The following STRIP2 variants were observed in gnomAD, a reference collection of about 807,000 sequenced individuals.
STRIP2 encodes striatin-interacting protein 2.
Under a neutral mutation model 107.1 loss-of-function variants are expected in STRIP2, and 84 were observed. The ratio of observed to expected loss-of-function variants is 0.78; its 90% CI spans 0.66 to 0.94. The LOEUF is 0.94. STRIP2 is among the 40% of genes least tolerant of loss of function. The pLI is 0.00. For synonymous variants in STRIP2, 394 were observed against 400.4 expected, an observed-to-expected ratio of 0.98 and a Z score of 0.19; for missense variants, 888 against 1,034.2, an observed-to-expected ratio of 0.86 and a Z score of 1.94.
chr7:129,454,239 C>A (rs1048287806), intron 6 of STRIP2, 29 bp downstream of exon 6: 1 of 1,609,564 alleles, frequency 6.2e-7, no homozygotes, highest in African/African-American at 1.3e-5. Flanking sequence ...GGGCTTGGAA[C>A]AGGGCAGATG....
intron 5 of STRIP2, 79 bp downstream of exon 5, chr7:129,453,426 C>T (rs1182981130): frequency 9.6e-6 from 15 of 1,566,132 alleles, no homozygotes; most frequent in Non-Finnish European, 1.3e-5. Flanking sequence ...CTGCTTCCCT[C>T]ACTATAGAGA....
chr7:129,469,417 A>G (rs1798742466), intron 17 of STRIP2, among the ~76,000 whole-genome samples: 1 of 152,220 alleles, frequency 6.6e-6, no homozygotes, highest in East Asian at 1.9e-4. Flanking sequence ...GCTAGATTTC[A>G]ATTCACTAAG....
chr7:129,487,666 C>T lies in STRIP2; in HGVS notation c.*1837C>T, dbSNP rs1363048459. 1 of 152,142 alleles carries T rather than the reference C, an allele frequency of 6.6e-6. No homozygotes were observed. Among genetic ancestry groups the T allele is most frequent in the East Asian group, 1.9e-4 (1 of 5,192 alleles). The allele number at this position is 152,142 out of a possible 1,614,324, so 9.4% of individuals were successfully genotyped here. A position where few individuals can be genotyped will look rare whatever the true frequency, so the allele number is the denominator to read the frequency against. On this transcript the variant is annotated 3_prime_UTR_variant, in exon 21 of 21. Coordinates refer to ENST00000249344, the MANE Select transcript of STRIP2 (RefSeq NM_020704.3). ...CTAAGTAGGACAGTAGTCCTTACTG[C>T]AATCAAAATAATTTACTGAGCACAA...
chr7:129,463,941 A>G (rs367741272), intron 14 of STRIP2, 103 bp from the exon 15 acceptor site: 972 of 829,468 alleles, frequency 1.2e-3, no homozygotes, highest in Non-Finnish European at 1.7e-3. Context: ...AACTTACAGA[A>G]TGGCTTTAAA....
chr7:129,443,747 T>C (rs1797962168), intron 2 of STRIP2, among the ~76,000 whole-genome samples: 1 of 152,262 alleles, frequency 6.6e-6, no homozygotes, highest in Admixed American at 6.5e-5. Context: ...TTAAGCTCTC[T>C]GTGCTGCAGT....
chr7:129,446,618 C>T (rs1370457601), intron 3 of STRIP2, among the ~76,000 whole-genome samples: 1 of 152,170 alleles, frequency 6.6e-6, no homozygotes, highest in Non-Finnish European at 1.5e-5. Context: ...CGTGCAGAAC[C>T]ATCTGTAAAC....
At chr7:129,437,818 T>G (rs913551248) in intron 1 of STRIP2, among the ~76,000 whole-genome samples, 3 of 150,480 alleles carry the variant, frequency 2.0e-5, no homozygotes, top group Admixed American at 6.6e-5. Context: ...TTTGTTTTTT[T>G]TTTTTTTGAC....
chr7:129,454,371 T>C (rs1236105117), intron 6 of STRIP2, 50 bp from the exon 7 acceptor site: 1 of 1,524,048 alleles, frequency 6.6e-7, no homozygotes, highest in South Asian at 1.1e-5. Flanking sequence ...TCTGTGACTA[T>C]GGGCTGGGAA....
rs1798273799 is a variant in STRIP2, at chr7:129,454,158, A to G, written c.547A>G (p.Ser183Gly). 2 of 1,613,996 alleles carry G rather than the reference A, an allele frequency of 1.2e-6. No homozygotes were observed. Among genetic ancestry groups the G allele is most frequent in the Middle Eastern group, 1.6e-4 (1 of 6,082 alleles). ...HMEIDNSQAC[S>G]SALRKPAVSI... ...CCCTGGCAGCAACAGCCAGGCCTGTAGCAGTGCCCTTCGGAAACCAGCTGT... is the reference window on the plus strand; with the variant it reads ...CCCTGGCAGCAACAGCCAGGCCTGTGGCAGTGCCCTTCGGAAACCAGCTGT... Residue 183 changes from serine to glycine, a missense_variant, in exon 6 of 21, where the codon AGC becomes GGC. Transcript: ENST00000249344.
intron 18 of STRIP2, chr7:129,478,110 T>A (rs1330271997): frequency 7.4e-6 from 2 of 271,754 alleles, no homozygotes. Flanking sequence ...GAATAAATAA[T>A]GGCTGTTCAG....
Position 129,458,778 on chromosome 7 carries a change from G to A in STRIP2, c.1340+1G>A. Reference sequence around the variant, plus strand: ...AGTTCATCGGATTCACCCTGGGGCAGTAAGTGACTGAATGGCTGGAACTGG... The same window carrying A: ...AGTTCATCGGATTCACCCTGGGGCAATAAGTGACTGAATGGCTGGAACTGG... On this transcript the variant is annotated splice_donor_variant, in intron 11 of 20. Coordinates refer to ENST00000249344, the MANE Select transcript of STRIP2 (RefSeq NM_020704.3). LOFTEE classifies it high-confidence loss of function. This position sits in a 1 kb window ranked among gnomAD's most constrained non-coding sequence, Gnocchi z 4.6. 6.2e-7 allele frequency: 1 copy of A among 1,614,138 alleles called. No individual in the cohort carries two copies. The highest frequency in any genetic ancestry group is 1.7e-5 in the Admixed American group (1 of 60,028).
chr7:129,451,182 G>A lies in STRIP2; in HGVS notation c.275-431G>A, dbSNP rs574117859. On this transcript the variant is annotated intron_variant, in intron 3 of 20. Coordinates refer to ENST00000249344, the MANE Select transcript of STRIP2 (RefSeq NM_020704.3). ...TCTCAATCTCCTGACCTCGTGATCC[G>A]CCCGCCTCGGCCTCCCAAAGTGCTG... is the stretch of plus-strand genomic sequence containing the variant. 2.5e-4 allele frequency among the ~76,000 whole-genome samples: 38 copies of A among 151,968 alleles called. No homozygotes were observed. In the East Asian group the frequency reaches 3.9e-3, roughly 16 times the overall value.
At position 129,472,775 on chromosome 7, in the gene STRIP2, C is replaced by CTTTTTTTTTTTTTTTTTTTTTTTTTT. The variant is rs1491462474; in HGVS notation, c.1944+2060_1944+2061insTTTTTTTTTTTTTTTTTTTTTTTTTT. Among the ~76,000 whole-genome samples, 8 of 68,904 alleles carry CTTTTTTTTTTTTTTTTTTTTTTTTTT rather than the reference C, an allele frequency of 1.2e-4. 4 individuals are homozygous for CTTTTTTTTTTTTTTTTTTTTTTTTTT. The highest frequency in any genetic ancestry group is 2.5e-4 in the African/African-American group (4 of 16,248). 45.2% of individuals were successfully genotyped at this position (68,904 alleles called of 152,430 possible). On this transcript the variant is annotated intron_variant, in intron 18 of 20. Coordinates refer to ENST00000249344, the MANE Select transcript of STRIP2 (RefSeq NM_020704.3). ...AATATATAGAATTTTCTTTTCTTTT[C>CTTTTTTTTTTTTTTTTTTTTTTTTTT]CTTTTTTTTTTTTTTTTTTTTTTTT...
Position 129,464,166 on chromosome 7 carries a change from G to A in STRIP2, c.1649+25G>A, listed in dbSNP as rs373618462. 64 of 1,543,062 alleles carry A rather than the reference G, an allele frequency of 4.1e-5. No homozygotes were observed. The African/African-American group carries it at 8.3e-4, about 20-fold the overall frequency. On this transcript the variant is annotated intron_variant, in intron 15 of 20. Transcript: ENST00000249344. ...CGTGAGTGCTTCAACGGGGGCAGCT[G>A]CTGGATACTAGCTGTCTTATCTGCA...
chr7:129,464,432 T>A (rs557521345), intron 15 of STRIP2, among the ~76,000 whole-genome samples, 180 bp from the exon 16 acceptor site: 1 of 152,016 alleles, frequency 6.6e-6, no homozygotes, highest in East Asian at 1.9e-4. Context: ...AAGAGATCAG[T>A]GGAGCATTTC....
Position 129,480,155 on chromosome 7 carries a change from A to G in STRIP2, c.1945-630A>G, listed in dbSNP as rs575955397. 1.2e-4 allele frequency among the ~76,000 whole-genome samples: 19 copies of G among 152,304 alleles called. No homozygotes were observed. The East Asian group carries it at 3.7e-3, about 29-fold the overall frequency. ...ATTTTTATTTCTGAAAAATCTTTCT[A>G]TGAGTAGATACCTGCTTTTAATCTG... On this transcript the variant is annotated intron_variant, in intron 18 of 20. Coordinates refer to ENST00000249344, the MANE Select transcript of STRIP2 (RefSeq NM_020704.3).
chr7:129,434,507 C>T lies in STRIP2; in HGVS notation c.35C>T (p.Pro12Leu). The T allele has an allele frequency of 1.3e-6, 2 of 1,517,784 alleles. No individual in the cohort carries two copies. Among genetic ancestry groups the T allele is most frequent in the South Asian group, 1.2e-5 (1 of 82,074 alleles). The allele number at this position is 1,517,784 out of a possible 1,614,324, so 94.0% of individuals were successfully genotyped here. Residue 12 changes from proline (P) to leucine (L), a missense_variant, in exon 1 of 21, where the codon CCG becomes CTG. Physicochemically the swap from Pro to Leu is moderately conservative, Grantham distance 98. Transcript: ENST00000249344. ...CCCGCCGCGCCTGGGACCGGGGGCC[C>T]GCCCGCAAATGGCAATGGCAACGGC... ...EDPAAPGTGG[P>L]PANGNGNGGG...
At chr7:129,452,476 C>T (rs537361074) in intron 4 of STRIP2, among the ~76,000 whole-genome samples, 1 of 152,274 alleles carries the variant, frequency 6.6e-6, no homozygotes, top group South Asian at 2.1e-4. Context: ...TAGGACTGTG[C>T]CCTCCTGTAT....
rs1798311207 is a variant in STRIP2 at position 129,455,246 on chromosome 7, T to C, written c.709T>C (p.Phe237Leu). ...CTCCCCTCTCTCCTCACCCCTAGGCTTCTCCATGCATAATGAGGAGCCTTT... is the reference window on the plus strand; with the variant it reads ...CTCCCCTCTCTCCTCACCCCTAGGCCTCTCCATGCATAATGAGGAGCCTTT... ...ARETFRTELSFSMHNEEPFAL... is the reference protein window; with the variant it reads ...ARETFRTELSLSMHNEEPFAL... The change falls in exon 8 of 21, where the codon TTC becomes CTC. Residue 237 changes from phenylalanine to leucine, a missense_variant and splice_region_variant. Transcript: ENST00000249344. 1 of 1,612,788 alleles carries C rather than the reference T, an allele frequency of 6.2e-7. No individual in the cohort carries two copies. The highest frequency in any genetic ancestry group is 8.5e-7 in the Non-Finnish European group (1 of 1,179,500).
Sources: allele counts gnomAD v4.1 joint callset (sites outside exome capture counted in the v4.1 genomes callset), GRCh38; gene constraint gnomAD v4.1.1; non-coding constraint Gnocchi (gnomAD v3.1); transcripts MANE v1.5; gene names NCBI Gene and HGNC (gene_info 2026-07-23, HGNC 2026-07-21).